The following BCL7C variants were observed in gnomAD, a reference collection of about 807,000 sequenced individuals.
BCL7C encodes the protein BAF chromatin remodeling complex subunit BCL7C.
Under a neutral mutation model 26.2 loss-of-function variants are expected in BCL7C, and 8 were observed. That is an observed-to-expected ratio of 0.30 (90% CI 0.18 to 0.55). The LOEUF (loss-of-function observed/expected upper bound fraction) is 0.55. BCL7C is among the 20% of genes least tolerant of loss of function. The pLI is 0.93. For synonymous variants in BCL7C, 90 were observed against 116.5 expected, an observed-to-expected ratio of 0.77 and a Z score of 1.47; for missense variants, 262 against 298.5, an observed-to-expected ratio of 0.88 and a Z score of 0.90.
rs189410590 is a variant in BCL7C at position 30,868,477 on chromosome 16, G to A, written c.528+20383C>T. ...TAAGCTACTAAATTTGCTGTAATTT[G>A]TTACAGCTATAGAAAACAATACAAT... is the stretch of plus-strand genomic sequence containing the variant. On this transcript the variant is annotated intron_variant, in intron 5 of 5. Transcript: ENST00000380317. Among the ~76,000 whole-genome samples the A allele has an allele frequency of 9.5e-5, 14 of 147,048 alleles. No homozygotes were observed. The East Asian group carries it at 3.0e-3, about 32-fold the overall frequency.
At chr16:30,842,876 G>A (rs1354813903) in intron 5 of BCL7C, among the ~76,000 whole-genome samples, 1 of 152,018 alleles carries the variant, frequency 6.6e-6, no homozygotes, top group Non-Finnish European at 1.5e-5. Context: ...CCATTCTCCT[G>A]ACCTTGTGAT....
At chr16:30,844,673 C>T (rs1278838560) in intron 5 of BCL7C, among the ~76,000 whole-genome samples, 2 of 152,064 alleles carry the variant, frequency 1.3e-5, no homozygotes, top group Non-Finnish European at 2.9e-5. Context: ...AGGGGAAGTT[C>T]CAGGGGCTTT....
At chr16:30,855,496 G>C (rs1361867217) in intron 5 of BCL7C, among the ~76,000 whole-genome samples, 1 of 152,048 alleles carries the variant, frequency 6.6e-6, no homozygotes, top group East Asian at 1.9e-4. Context: ...ATCCACCTCA[G>C]CCTCCCAAAG....
intron 5 of BCL7C, among the ~76,000 whole-genome samples, chr16:30,858,238 C>T (rs1479586772): frequency 6.6e-6 from 1 of 152,176 alleles, no homozygotes; most frequent in East Asian, 1.9e-4. Context: ...AGAGTCCCAG[C>T]CTCTCATTCC....
At chr16:30,877,068 T>C (rs1327813066) in intron 5 of BCL7C, among the ~76,000 whole-genome samples, 1 of 152,068 alleles carries the variant, frequency 6.6e-6, no homozygotes, top group East Asian at 1.9e-4. Flanking sequence ...CTGGAGGCCA[T>C]GCAAGTGAAC....
chr16:30,865,890 A>ATT (rs4046092), intron 5 of BCL7C, among the ~76,000 whole-genome samples: 2,872 of 137,072 alleles, frequency 0.021, 25 homozygotes, highest in Non-Finnish European at 0.032. Context: ...CAGTGCCCTA[A>ATT]TTTTTTTTTT....
At chr16:30,846,131 T>G (rs2054633658) in intron 5 of BCL7C, among the ~76,000 whole-genome samples, 1 of 147,866 alleles carries the variant, frequency 6.8e-6, no homozygotes, top group South Asian at 2.2e-4. Context: ...AAAAGAAAGA[T>G]CCTTCAGCCT....
chr16:30,883,427 T>G (rs2055072219), downstream of BCL7C, among the ~76,000 whole-genome samples: 1 of 151,426 alleles, frequency 6.6e-6, no homozygotes, highest in East Asian at 1.9e-4. Context: ...CATATCTTAC[T>G]GCCGCCTCAA....
In BCL7C at chr16:30,838,985, T is replaced by C. The variant is rs1389739661; in HGVS notation, c.529-3837A>G. ...TGGGAAAAAAATGTCTCTATGACAA[T>C]AGCCAGGGTGGGCAAGTGGTTGCAA... On this transcript the variant is annotated intron_variant, in intron 5 of 5. Transcript: ENST00000380317. Among the ~76,000 whole-genome samples, 4 of 152,152 alleles carry C rather than the reference T, an allele frequency of 2.6e-5. No homozygotes were observed. In the East Asian group the frequency reaches 7.7e-4, roughly 29 times the overall value.
intron 5 of BCL7C, among the ~76,000 whole-genome samples, chr16:30,863,056 C>T (rs1168331318): frequency 2.0e-5 from 3 of 151,768 alleles, no homozygotes; most frequent in African/African-American, 7.3e-5. Context: ...TTTAGGCTGG[C>T]CCCCCCACAT....
At chr16:30,845,268 C>A (rs1483741010) in intron 5 of BCL7C, among the ~76,000 whole-genome samples, 4 of 152,224 alleles carry the variant, frequency 2.6e-5, no homozygotes, top group African/African-American at 9.6e-5. Flanking sequence ...CAGCACTGTG[C>A]TCTCACCAAG....
At chr16:30,865,714 T>C (rs1466400167) in intron 5 of BCL7C, among the ~76,000 whole-genome samples, 1 of 144,198 alleles carries the variant, frequency 6.9e-6, no homozygotes, top group Non-Finnish European at 1.5e-5. Flanking sequence ...CACATACATA[T>C]GGCTTTTTTT....
intron 5 of BCL7C, among the ~76,000 whole-genome samples, chr16:30,854,956 C>G (rs1034612205): frequency 6.6e-5 from 10 of 152,142 alleles, no homozygotes; most frequent in African/African-American, 2.2e-4. Flanking sequence ...CCTTGGCCTT[C>G]CAAAGTGCTG....
At chr16:30,849,766 T>C (rs912243964) in intron 5 of BCL7C, among the ~76,000 whole-genome samples, 1 of 151,618 alleles carries the variant, frequency 6.6e-6, no homozygotes, top group African/African-American at 2.4e-5. Context: ...TTTTCTTTTT[T>C]TTTTTTTTGG....
At chr16:30,868,023 G>T (rs1423237808) in intron 5 of BCL7C, among the ~76,000 whole-genome samples, 1 of 151,072 alleles carries the variant, frequency 6.6e-6, no homozygotes, top group African/African-American at 2.4e-5. Flanking sequence ...ATTTTTTGTT[G>T]TTGTTTTACA....
rs1437113169 is a variant in BCL7C at position 30,888,886 on chromosome 16, G to T, written c.502C>A (p.Pro168Thr). The T allele has an allele frequency of 6.2e-7, 1 of 1,613,946 alleles. No homozygotes were observed. ...TCAGCTTCCAGCAGTTCTGGAACAG[G>T]CTCCTCCTTGGTCAGCATTGGGGGT... ...DEPPMLTKEE[P>T]VPELLEAEAP... Residue 168 changes from proline to threonine, a missense_variant, in exon 5 of 6, where the codon CCT becomes ACT. Physicochemically the swap from Pro to Thr is conservative, Grantham distance 38. Transcript: ENST00000215115.
At chr16:30,880,002 A>G (rs1016863756) in intron 5 of BCL7C, among the ~76,000 whole-genome samples, 5 of 149,858 alleles carry the variant, frequency 3.3e-5, no homozygotes, top group African/African-American at 4.9e-5. Flanking sequence ...AAAAAAAAAA[A>G]TGTTAAGTAG....
intron 5 of BCL7C, among the ~76,000 whole-genome samples, chr16:30,878,599 C>T (rs1005223595): frequency 6.6e-5 from 10 of 151,634 alleles, no homozygotes; most frequent in Non-Finnish European, 1.3e-4. Context: ...AATCCTGGCA[C>T]TCTGGGAGGC....
At chr16:30,877,123 G>C (rs910086676) in intron 5 of BCL7C, among the ~76,000 whole-genome samples, 1 of 152,088 alleles carries the variant, frequency 6.6e-6, no homozygotes, top group Non-Finnish European at 1.5e-5. Context: ...GGGATTGCGG[G>C]GACTGAAGGG....
Sources: allele counts gnomAD v4.1 joint callset (sites outside exome capture counted in the v4.1 genomes callset), GRCh38; gene constraint gnomAD v4.1.1; transcripts MANE v1.5; gene names NCBI Gene and HGNC (gene_info 2026-07-23, HGNC 2026-07-21).